The following LPIN2 variants were observed in gnomAD, a reference collection of about 807,000 sequenced individuals.
LPIN2 encodes phosphatidate phosphatase LPIN2.
LPIN2 carries 55 observed loss-of-function variants against 111.4 expected under a neutral mutation model. The ratio of observed to expected loss-of-function variants is 0.49; its 90% CI spans 0.40 to 0.62. The LOEUF is 0.62. Ranked by LOEUF, LPIN2 falls within the 20% of genes least tolerant of loss-of-function variation. LPIN2 has a pLI of 0.00. For missense variants in LPIN2, 992 were observed against 1,112.1 expected, an observed-to-expected ratio of 0.89 and a Z score of 1.54; for synonymous variants, 425 against 414.0, an observed-to-expected ratio of 1.03 and a Z score of -0.32.
In LPIN2 at chr18:2,931,280, T is replaced by C; in HGVS notation, c.1432A>G (p.Ser478Gly). ...DVTLSLCGGL[S>G]ENGEISKEKF... Reference sequence around the variant, plus strand: ...CCTTTTGAAATTTCTCCATTTTCACTGAGGCCCCCGCAAAGGGAGAGGGTA... The same window carrying C: ...CCTTTTGAAATTTCTCCATTTTCACCGAGGCCCCCGCAAAGGGAGAGGGTA... Residue 478 changes from serine to glycine, a missense_variant, in exon 9 of 20, where the codon AGT becomes GGT. Ser to Gly is a moderately conservative substitution (Grantham distance 56). This residue lies in a region of LPIN2 where 709 missense variants were observed against 753.2 expected (regional missense o/e 0.94). Coordinates refer to ENST00000677752, the MANE Select transcript of LPIN2 (RefSeq NM_001375808.2). 2 of 1,614,196 alleles carry C rather than the reference T, an allele frequency of 1.2e-6. No homozygotes were observed. Among genetic ancestry groups the C allele is most frequent in the Non-Finnish European group, 1.7e-6 (2 of 1,180,040 alleles).
chr18:2,931,708 G>A (rs2077216264), intron 8 of LPIN2, among the ~76,000 whole-genome samples: 1 of 152,132 alleles, frequency 6.6e-6, no homozygotes, highest in Admixed American at 6.5e-5. Flanking sequence ...TCACAATAAT[G>A]CAAACATTTC....
At chr18:3,000,810 G>A (rs73367294) in intron 1 of LPIN2, among the ~76,000 whole-genome samples, 110 of 152,242 alleles carry the variant, frequency 7.2e-4, no homozygotes, top group Middle Eastern at 3.4e-3. Context: ...GGTACTTCCC[G>A]TGTTCCCTCC....
chr18:2,936,307 C>T (rs1005379793), intron 7 of LPIN2, among the ~76,000 whole-genome samples: 1 of 152,132 alleles, frequency 6.6e-6, no homozygotes, highest in Non-Finnish European at 1.5e-5. Context: ...GATCCAAGGC[C>T]AGAGTTCAGA....
intron 1 of LPIN2, among the ~76,000 whole-genome samples, chr18:3,004,574 A>G (rs982654778): frequency 6.6e-6 from 1 of 152,214 alleles, no homozygotes; most frequent in Non-Finnish European, 1.5e-5. Context: ...CATGTAACCC[A>G]GGAGTCACAG....
At chr18:2,956,170 G>A (rs573044430) in intron 2 of LPIN2, among the ~76,000 whole-genome samples, 1 of 152,266 alleles carries the variant, frequency 6.6e-6, no homozygotes, top group Admixed American at 6.5e-5. Flanking sequence ...TAACTAAGCA[G>A]ATATACTGAC....
At chr18:2,991,882 C>CTGGGATT (rs1040864360) in intron 1 of LPIN2, among the ~76,000 whole-genome samples, 2 of 151,918 alleles carry the variant, frequency 1.3e-5, no homozygotes, top group Non-Finnish European at 2.9e-5. Flanking sequence ...TGGTGGCGTG[C>CTGGGATT]ACCTGTAATC....
In LPIN2 at chr18:2,931,461, G is replaced by C. The variant is rs1259486520; in HGVS notation, c.1269-18C>G. On this transcript the variant is annotated intron_variant, in intron 8 of 19. Transcript: ENST00000677752. ...CCGATTCACTGTGGACAGGGGATGGGGAAAAGATGTGCTTTATTACAACTC... is the reference window on the plus strand; with the variant it reads ...CCGATTCACTGTGGACAGGGGATGGCGAAAAGATGTGCTTTATTACAACTC... 4.5e-6 allele frequency: 7 copies of C among 1,560,358 alleles called. No homozygotes were observed. The highest frequency in any genetic ancestry group is 6.1e-6 in the Non-Finnish European group (7 of 1,153,358).
chr18:3,006,752 G>C (rs904606016), intron 1 of LPIN2, among the ~76,000 whole-genome samples: 1 of 152,030 alleles, frequency 6.6e-6, no homozygotes. Flanking sequence ...CAGGAGAATG[G>C]CATGAACCCG....
intron 3 of LPIN2, 96 bp downstream of exon 3, chr18:2,954,408 C>T (rs1432189332): frequency 1.2e-6 from 1 of 828,516 alleles, no homozygotes; most frequent in Admixed American, 1.8e-5. Context: ...GTCCTCTGTA[C>T]AATCAACCAT....
At chr18:2,988,068 G>A (rs955538714) in intron 1 of LPIN2, among the ~76,000 whole-genome samples, 4 of 141,278 alleles carry the variant, frequency 2.8e-5, no homozygotes, top group Non-Finnish European at 6.1e-5. Flanking sequence ...CAGCAGGCCA[G>A]ATGGGTAACA....
chr18:2,929,138 T>C lies in LPIN2; in HGVS notation c.1477A>G (p.Ile493Val). 6.2e-7 allele frequency: 1 copy of C among 1,605,290 alleles called. No homozygotes were observed. The highest frequency in any genetic ancestry group is 8.5e-7 in the Non-Finnish European group (1 of 1,172,260). The change falls in exon 10 of 20, where the codon ATT becomes GTT. Residue 493 changes from isoleucine (I) to valine (V), a missense_variant. By Grantham distance (29) the Ile-to-Val change is conservative. Coordinates refer to ENST00000677752, the MANE Select transcript of LPIN2 (RefSeq NM_001375808.2). ...TTTTCTGCAAATTCGTGATAAGTAA[T>C]GATATGCTCCATGAATTTTTCTGCA... ...ISKEKFMEHI[I>V]TYHEFAENPG...
chr18:2,973,345 G>A (rs1483858443), intron 1 of LPIN2, among the ~76,000 whole-genome samples: 1 of 152,126 alleles, frequency 6.6e-6, no homozygotes, highest in African/African-American at 2.4e-5. Flanking sequence ...AAACCCATCT[G>A]GAGTCAATCC....
Position 2,940,642 on chromosome 18 carries a change from A to AATG in LPIN2, c.658_660dup (p.His220dup), listed in dbSNP as rs761910090. Reference sequence around the variant, plus strand: ...GACCAATCTCCATCAGATAAGGGGTAATGATCCCCAGAATGGAAGAGCAAA... The same window carrying AATG: ...GACCAATCTCCATCAGATAAGGGGTAATGATGATCCCCAGAATGGAAGAGCAAA... On this transcript the variant is annotated inframe_insertion, in exon 5 of 20. Coordinates refer to ENST00000677752, the MANE Select transcript of LPIN2 (RefSeq NM_001375808.2). The AATG allele has an allele frequency of 6.2e-7, 1 of 1,612,986 alleles. No homozygotes were observed. Among genetic ancestry groups the AATG allele is most frequent in the Non-Finnish European group, 8.5e-7 (1 of 1,179,252 alleles).
intron 6 of LPIN2, 37 bp from the exon 7 acceptor site, chr18:2,938,074 T>A (rs748609523): frequency 6.7e-7 from 1 of 1,484,754 alleles, no homozygotes; most frequent in African/African-American, 1.4e-5. Context: ...TAAACTACTT[T>A]CAGAGTATTT....
chr18:2,943,796 T>G (rs1243845965), intron 4 of LPIN2, among the ~76,000 whole-genome samples: 2 of 152,224 alleles, frequency 1.3e-5, no homozygotes, highest in Admixed American at 1.3e-4. Flanking sequence ...TAGTGTAACA[T>G]CATGAGTCTG....
intron 1 of LPIN2, among the ~76,000 whole-genome samples, chr18:3,005,936 A>G (rs944001577): frequency 2.6e-5 from 4 of 152,232 alleles, no homozygotes; most frequent in African/African-American, 9.6e-5. Context: ...ATGATAAAGC[A>G]ATGCACAGGA....
chr18:2,939,242 CATT>C (rs1055531269), intron 6 of LPIN2, among the ~76,000 whole-genome samples: 1 of 152,166 alleles, frequency 6.6e-6, no homozygotes, highest in Non-Finnish European at 1.5e-5. Context: ...AATTAACAAT[CATT>C]ATTATTCAGT....
At chr18:2,982,779 T>C (rs1241538781) in intron 1 of LPIN2, 4 of 1,217,524 alleles carry the variant, frequency 3.3e-6, no homozygotes, top group Non-Finnish European at 3.3e-6. Context: ...TCTTGAAATT[T>C]AACTAGCATG....
chr18:2,939,425 T>C lies in LPIN2; in HGVS notation c.822+55A>G, dbSNP rs2077338461. The C allele has an allele frequency of 2.5e-6, 4 of 1,608,178 alleles. No homozygotes were observed. In the Admixed American group the frequency reaches 6.7e-5, roughly 27 times the overall value. Reference sequence around the variant, plus strand: ...CCTCCTTTACTTATGGGCAGAGGAATTCGTCACTTGTTTAATCATTAACAC... The same window carrying C: ...CCTCCTTTACTTATGGGCAGAGGAACTCGTCACTTGTTTAATCATTAACAC... On this transcript the variant is annotated intron_variant, in intron 6 of 19. Transcript: ENST00000677752.
Sources: gnomAD v4.1 joint callset for allele counts (sites outside exome capture counted in the v4.1 genomes callset) on GRCh38, gnomAD v4.1.1 for gene constraint, gnomAD v4.1.1 regional missense constraint, MANE v1.5 for transcripts, NCBI Gene and HGNC (gene_info 2026-07-23, HGNC 2026-07-21) for gene names.